The following RGS6 variants were observed in gnomAD, a reference collection of about 807,000 sequenced individuals.
RGS6 encodes the protein regulator of G-protein signaling 6.
A neutral mutation model predicts 78.5 loss-of-function variants in RGS6; 30 were observed. That is an observed-to-expected ratio of 0.38 (90% CI 0.29 to 0.52). RGS6 has a LOEUF of 0.52. Among genes scored for constraint, RGS6 ranks in the 20% least tolerant of loss-of-function variants. The pLI, the probability that RGS6 is intolerant of heterozygous loss-of-function variation, is 0.85. For synonymous variants in RGS6, 206 were observed against 206.0 expected (o/e 1.00, Z 0.00); for missense variants, 495 against 609.7 (o/e 0.81, Z 1.98).
chr14:72,092,583 G>A (rs2095302896), intron 2 of RGS6, among the ~76,000 whole-genome samples: 1 of 151,690 alleles, frequency 6.6e-6, no homozygotes, highest in Non-Finnish European at 1.5e-5. Flanking sequence ...GGTTTCACCA[G>A]GTTGGCCAGG....
chr14:72,054,015 G>A (rs531611083), intron 2 of RGS6, among the ~76,000 whole-genome samples: 2 of 152,198 alleles, frequency 1.3e-5, no homozygotes, highest in Admixed American at 1.3e-4. Context: ...CACAAGAATA[G>A]GGGTGAGAAG....
At chr14:72,008,681 G>C (rs4048388) in intron 2 of RGS6, among the ~76,000 whole-genome samples, 98,997 of 152,102 alleles carry the variant, frequency 0.65, 33,122 homozygotes, top group Non-Finnish European at 0.74. Flanking sequence ...CATAAGTTGA[G>C]GACATTCAGG....
intron 3 of RGS6, among the ~76,000 whole-genome samples, chr14:72,354,629 CAAAA>C (rs1011547628): frequency 6.8e-6 from 1 of 147,236 alleles, no homozygotes; most frequent in Admixed American, 6.8e-5. Flanking sequence ...GACTCCATCT[CAAAA>C]AAAAAAGTAA....
chr14:72,624,908 C>T, the RGS6 span, among the ~76,000 whole-genome samples: 3 of 152,128 alleles, frequency 2.0e-5, no homozygotes, highest in African/African-American at 4.8e-5. Context: ...CGCATCATAT[C>T]GGGGGAAATT....
intron 2 of RGS6, among the ~76,000 whole-genome samples, chr14:71,967,509 G>A (rs1003228980): frequency 6.6e-6 from 1 of 152,130 alleles, no homozygotes; most frequent in Non-Finnish European, 1.5e-5. Flanking sequence ...ACAATTCAAA[G>A]CATTTTCTTT....
intron 15 of RGS6, among the ~76,000 whole-genome samples, chr14:72,529,241 G>A (rs935308436): frequency 1.3e-5 from 2 of 152,162 alleles, no homozygotes; most frequent in African/African-American, 4.8e-5. Flanking sequence ...GTCTGCATGG[G>A]GTGTGAGAGA....
rs528996925 is a variant in RGS6, at chr14:71,944,530, A to G, written c.-21+11589A>G. 8.5e-5 allele frequency among the ~76,000 whole-genome samples: 13 copies of G among 152,342 alleles called. No individual in the cohort carries two copies. In the East Asian group the frequency reaches 2.3e-3, roughly 27 times the overall value. ...ATAAATAGAAAATTAGCAATAAAAG[A>G]TGTTAAATGATAGTTTAGGAAAAAA... On this transcript the variant is annotated intron_variant, in intron 1 of 17. Transcript: ENST00000553525.
At chr14:72,290,391 A>G (rs975136204) in intron 2 of RGS6, among the ~76,000 whole-genome samples, 1 of 152,118 alleles carries the variant, frequency 6.6e-6, no homozygotes, top group Admixed American at 6.5e-5. Flanking sequence ...CATGTTTTCG[A>G]TAGCTTCACA....
chr14:72,539,312 T>C (rs1477096195), intron 16 of RGS6, among the ~76,000 whole-genome samples: 1 of 152,116 alleles, frequency 6.6e-6, no homozygotes, highest in African/African-American at 2.4e-5. Flanking sequence ...TTGGCAGGTG[T>C]TATGTCACCT....
At chr14:72,255,015 T>G (rs933407117) in intron 2 of RGS6, among the ~76,000 whole-genome samples, 1 of 152,214 alleles carries the variant, frequency 6.6e-6, no homozygotes, top group African/African-American at 2.4e-5. Flanking sequence ...TTTATGGTTT[T>G]GAGGCTCACA....
chr14:72,181,421 C>T (rs2097171796), intron 2 of RGS6, among the ~76,000 whole-genome samples: 1 of 152,180 alleles, frequency 6.6e-6, no homozygotes, highest in Admixed American at 6.5e-5. Flanking sequence ...CATTTTTTGC[C>T]ATCATTCAGA....
the RGS6 span, among the ~76,000 whole-genome samples, chr14:71,872,202 A>G: frequency 6.6e-6 from 1 of 152,242 alleles, no homozygotes; most frequent in Non-Finnish European, 1.5e-5. Flanking sequence ...AGAGAAGCTG[A>G]AAAATGAGCA....
chr14:72,122,741 T>TG (rs1491110463), intron 2 of RGS6, among the ~76,000 whole-genome samples: 4 of 110,458 alleles, frequency 3.6e-5, no homozygotes, highest in African/African-American at 1.8e-4. Context: ...TAAGTTATCG[T>TG]TTTTTTTTTT....
At chr14:71,991,029 AAG>A (rs1329936626) in intron 2 of RGS6, 2 of 358,822 alleles carry the variant, frequency 5.6e-6, no homozygotes, top group Admixed American at 7.6e-5. Flanking sequence ...CATGTAAAAA[AAG>A]ATAACATTTT....
At chr14:72,072,264 G>A (rs2094434024) in intron 2 of RGS6, among the ~76,000 whole-genome samples, 1 of 151,506 alleles carries the variant, frequency 6.6e-6, no homozygotes, top group African/African-American at 2.4e-5. Flanking sequence ...TTTATTTTGG[G>A]AAGTGGATGT....
chr14:72,139,279 C>T (rs1032791343), intron 2 of RGS6, among the ~76,000 whole-genome samples: 4 of 152,350 alleles, frequency 2.6e-5, no homozygotes, highest in Non-Finnish European at 5.9e-5. Context: ...GCCTAGTTTT[C>T]TAACACTTCT....
chr14:72,272,744 T>C (rs1370013320), intron 2 of RGS6, among the ~76,000 whole-genome samples: 1 of 152,174 alleles, frequency 6.6e-6, no homozygotes, highest in Admixed American at 6.5e-5. Context: ...AAAAGAGTAA[T>C]GAATGAATTA....
chr14:72,001,471 A>AACAC lies in RGS6; in HGVS notation c.84+36644_84+36647dup, dbSNP rs3053057. Among the ~76,000 whole-genome samples the AACAC allele has an allele frequency of 6.5e-3, 953 of 146,096 alleles. 6 individuals carry two copies. Among genetic ancestry groups the AACAC allele is most frequent in the Non-Finnish European group, 9.0e-3 (598 of 66,620 alleles). ...TGCTTTCTAAGATAAATAAAAACAG[A>AACAC]ACACACACACACACACACACACACA... On this transcript the variant is annotated intron_variant, in intron 2 of 17. Transcript: ENST00000553525.
chr14:72,039,750 GTATC>G (rs910834296), intron 2 of RGS6, among the ~76,000 whole-genome samples: 32 of 145,754 alleles, frequency 2.2e-4, no homozygotes, highest in African/African-American at 7.6e-4. Context: ...TGTATATGTT[GTATC>G]TATCTATTCC....
Sources: allele counts gnomAD v4.1 joint callset (sites outside exome capture counted in the v4.1 genomes callset), GRCh38; gene constraint gnomAD v4.1.1; transcripts MANE v1.5; gene names NCBI Gene and HGNC (gene_info 2026-07-23, HGNC 2026-07-21).